LHPP: variants seen among roughly 807,000 people sequenced by gnomAD.
LHPP encodes the protein hLHPP.
Under a neutral mutation model 30.3 loss-of-function variants are expected in LHPP, and 24 were observed. The ratio of observed to expected loss-of-function variants is 0.79; its 90% confidence interval spans 0.57 to 1.11. The LOEUF (loss-of-function observed/expected upper bound fraction) is 1.11, where lower values mean the gene tolerates loss of function less well. LHPP is among the 50% of genes most tolerant of loss of function. The pLI is 0.00. For missense variants in LHPP, 356 were observed against 367.2 expected, an observed-to-expected ratio of 0.97 and a Z score of 0.25; for synonymous variants, 150 against 157.1, an observed-to-expected ratio of 0.95 and a Z score of 0.34.
At chr10:124,567,903 C>T (rs1416396954) in intron 6 of LHPP, among the ~76,000 whole-genome samples, 9 of 152,128 alleles carry the variant, frequency 5.9e-5, no homozygotes, top group Admixed American at 5.9e-4. Context: ...TATAATATTC[C>T]ACGGTTCTTT....
At chr10:124,523,000 T>C (rs969777394) in intron 6 of LHPP, among the ~76,000 whole-genome samples, 27 of 152,222 alleles carry the variant, frequency 1.8e-4, no homozygotes, top group African/African-American at 6.0e-4. Flanking sequence ...CCGTGTGGCC[T>C]CTCACCACCC....
chr10:124,467,032 G>A lies in LHPP; in HGVS notation c.125+5045G>A, dbSNP rs557231727. Among the ~76,000 whole-genome samples the A allele has an allele frequency of 4.6e-5, 7 of 151,950 alleles. No homozygotes were observed. In the South Asian group the frequency reaches 1.5e-3, roughly 32 times the overall value. ...CCAACTACTTGGGAGGCTGAGGCAG[G>A]AGAACTGCCTGAGCCCAGGAGTTTG... On this transcript the variant is annotated intron_variant, in intron 1 of 6. Coordinates refer to ENST00000368842, the MANE Select transcript of LHPP (RefSeq NM_022126.4).
chr10:124,542,319 T>C (rs577933359), intron 6 of LHPP, among the ~76,000 whole-genome samples: 93 of 152,312 alleles, frequency 6.1e-4, no homozygotes, highest in African/African-American at 2.0e-3. Context: ...CCAGCACTTA[T>C]GTGTTTACAG....
intron 6 of LHPP, among the ~76,000 whole-genome samples, chr10:124,574,422 G>A (rs1036114013): frequency 2.0e-5 from 3 of 152,174 alleles, no homozygotes; most frequent in Non-Finnish European, 4.4e-5. Flanking sequence ...AACTTCACAG[G>A]CAGAGAGCCT....
At position 124,477,578 on chromosome 10, in the gene LHPP, G is replaced by A. The variant is rs1036364951; in HGVS notation, c.126-6561G>A. Among the ~76,000 whole-genome samples, 11 of 152,228 alleles carry A rather than the reference G, an allele frequency of 7.2e-5. No homozygotes were observed. The South Asian group carries it at 2.3e-3, about 32-fold the overall frequency. ...TGTGAATTTCTCCATTACCAAGTGG[G>A]CCCGTCAGATCTGGAACTTGGGTCA... On this transcript the variant is annotated intron_variant, in intron 1 of 6. Coordinates refer to ENST00000368842, the MANE Select transcript of LHPP (RefSeq NM_022126.4).
intron 6 of LHPP, chr10:124,605,224 G>A (rs1003944632): frequency 1.3e-5 from 2 of 152,336 alleles, no homozygotes; most frequent in African/African-American, 4.8e-5. Flanking sequence ...GCATGAGGGG[G>A]AGGAATCACT....
At position 124,549,766 on chromosome 10, in the gene LHPP, A is replaced by T. The variant is rs1955433899; in HGVS notation, c.716+32495A>T. ...ATGGCCGGGGTGGGCATGGCCGGGA[A>T]AGGCATGGCCTCCAGAATCAGAGGC... is the stretch of plus-strand genomic sequence containing the variant. On this transcript the variant is annotated intron_variant, in intron 6 of 6. Transcript: ENST00000368842. Among the ~76,000 whole-genome samples the T allele has an allele frequency of 2.6e-5, 4 of 152,310 alleles. No individual in the cohort carries two copies. The South Asian group carries it at 8.3e-4, about 32-fold the overall frequency.
intron 1 of LHPP, among the ~76,000 whole-genome samples, chr10:124,482,953 G>A (rs10901688): frequency 1.3e-5 from 2 of 152,086 alleles, no homozygotes; most frequent in African/African-American, 2.4e-5. Flanking sequence ...CCATGCTCAC[G>A]ACTACAGCTC....
chr10:124,488,546 A>C lies in LHPP; in HGVS notation c.438A>C (p.Glu146Asp). 6.2e-7 allele frequency: 1 copy of C among 1,613,840 alleles called. No individual in the cohort carries two copies. Among genetic ancestry groups the C allele is most frequent in the Non-Finnish European group, 8.5e-7 (1 of 1,179,958 alleles). Reference sequence around the variant, plus strand: ...CCTTCCAGGTGCTCATGGAGCTGGAAAAACCTGTGCTCATATCACTGGGAA... The same window carrying C: ...CCTTCCAGGTGCTCATGGAGCTGGACAAACCTGTGCTCATATCACTGGGAA... ...NNAFQVLMEL[E>D]KPVLISLGKG... The change falls in exon 3 of 7, where the codon GAA becomes GAC. Residue 146 changes from glutamate to aspartate, a missense_variant. Glu to Asp is a conservative substitution (Grantham distance 45). Transcript: ENST00000368842.
intron 6 of LHPP, among the ~76,000 whole-genome samples, chr10:124,550,013 G>C (rs1955441438): frequency 6.6e-6 from 1 of 152,256 alleles, no homozygotes; most frequent in South Asian, 2.1e-4. Context: ...TCCTGACCTT[G>C]GCATGCAGGG....
At chr10:124,532,962 C>T (rs887679977) in intron 6 of LHPP, among the ~76,000 whole-genome samples, 2 of 152,208 alleles carry the variant, frequency 1.3e-5, no homozygotes, top group African/African-American at 4.8e-5. Context: ...ATCTTTGCCC[C>T]ACTGCTTGCT....
At chr10:124,542,649 C>G (rs1000984654) in intron 6 of LHPP, among the ~76,000 whole-genome samples, 2 of 152,276 alleles carry the variant, frequency 1.3e-5, no homozygotes, top group Middle Eastern at 3.4e-3. Flanking sequence ...ACCTTGGTCC[C>G]CATCCCAGCC....
At chr10:124,511,934 C>T (rs999863954) in intron 5 of LHPP, among the ~76,000 whole-genome samples, 1 of 152,050 alleles carries the variant, frequency 6.6e-6, no homozygotes, top group Non-Finnish European at 1.5e-5. Context: ...TGTCCTACAA[C>T]CTGGTTGGCC....
At chr10:124,550,110 C>T (rs964595932) in intron 6 of LHPP, among the ~76,000 whole-genome samples, 1 of 152,240 alleles carries the variant, frequency 6.6e-6, no homozygotes. Flanking sequence ...CTCCTCGTTG[C>T]AAATGGACTT....
At chr10:124,558,611 G>T (rs1948341813) in intron 6 of LHPP, among the ~76,000 whole-genome samples, 3 of 152,216 alleles carry the variant, frequency 2.0e-5, no homozygotes, top group Non-Finnish European at 4.4e-5. Context: ...CCCTGTGGGG[G>T]TTGGGGGCCA....
At chr10:124,562,929 C>A (rs962619748) in intron 6 of LHPP, among the ~76,000 whole-genome samples, 2 of 145,342 alleles carry the variant, frequency 1.4e-5, no homozygotes, top group African/African-American at 2.6e-5. Context: ...AAGAAAGATA[C>A]CATCTAAAAA....
intron 6 of LHPP, among the ~76,000 whole-genome samples, chr10:124,548,455 G>A (rs781642617): frequency 5.3e-5 from 8 of 152,064 alleles, no homozygotes; most frequent in Non-Finnish European, 7.4e-5. Flanking sequence ...TTTTGTCTGC[G>A]GTGCATAATC....
intron 2 of LHPP, among the ~76,000 whole-genome samples, chr10:124,486,379 G>C (rs1258427534): frequency 6.6e-6 from 1 of 152,088 alleles, no homozygotes; most frequent in Non-Finnish European, 1.5e-5. Flanking sequence ...AATTGTGCTG[G>C]GGCCTCCAGT....
rs568517231 is a variant in LHPP at position 124,539,761 on chromosome 10, G to T, written c.716+22490G>T. On this transcript the variant is annotated intron_variant, in intron 6 of 6. Coordinates refer to ENST00000368842, the MANE Select transcript of LHPP (RefSeq NM_022126.4). ...AAAAAAAAAAAAAAAAATTAGTCAG[G>T]CATGGTGGCACACACCTGTAGTCCC... 5.4e-5 allele frequency among the ~76,000 whole-genome samples: 7 copies of T among 129,086 alleles called. No individual in the cohort carries two copies. The East Asian group carries it at 1.6e-3, about 30-fold the overall frequency. 84.7% of individuals were successfully genotyped at this position (129,086 alleles called of 152,430 possible).
Sources: allele counts gnomAD v4.1 joint callset (sites outside exome capture counted in the v4.1 genomes callset), GRCh38; gene constraint gnomAD v4.1.1; transcripts MANE v1.5; gene names NCBI Gene and HGNC (gene_info 2026-07-23, HGNC 2026-07-21).